SLC25A29: variants seen among roughly 807,000 people sequenced by gnomAD.
SLC25A29 encodes the protein mitochondrial basic amino acids transporter.
A neutral mutation model predicts 10.0 loss-of-function variants in SLC25A29; 13 were observed. The observed-to-expected ratio is 1.30, with a 90% CI of 0.85 to 2.07. The LOEUF (loss-of-function observed/expected upper bound fraction) is 2.07. Among genes scored for constraint, SLC25A29 ranks in the 30% most tolerant of loss-of-function variants. SLC25A29 has a pLI of 0.00. For missense variants in SLC25A29, 475 were observed against 447.6 expected, an observed-to-expected ratio of 1.06 and a Z score of -0.55; for synonymous variants, 244 against 221.1, an observed-to-expected ratio of 1.10 and a Z score of -0.92.
the SLC25A29 span, chr14:100,281,218 T>C: frequency 6.6e-6 from 1 of 152,026 alleles, no homozygotes; most frequent in Non-Finnish European, 1.5e-5. Flanking sequence ...TGTTGATCTT[T>C]AATTATTTAA....
At chr14:100,297,637 G>A (rs898154000) in intron 2 of SLC25A29, among the ~76,000 whole-genome samples, 2 of 152,248 alleles carry the variant, frequency 1.3e-5, no homozygotes, top group Non-Finnish European at 2.9e-5. Flanking sequence ...GGCTGGGGCC[G>A]GGGGCTGTGT....
At chr14:100,300,233 T>A (rs1470365634) in intron 1 of SLC25A29, among the ~76,000 whole-genome samples, 1 of 152,186 alleles carries the variant, frequency 6.6e-6, no homozygotes, top group African/African-American at 2.4e-5. Flanking sequence ...ATCGCGCTAC[T>A]GCACTCCAGC....
chr14:100,291,962 G>A lies in SLC25A29; in HGVS notation c.*321C>T. ...AATGACGTGGCCAGGATCCCAGAAAGGGGCTGGAGTGTCTGCCTCAGTTTC... is the reference window on the plus strand; with the variant it reads ...AATGACGTGGCCAGGATCCCAGAAAAGGGCTGGAGTGTCTGCCTCAGTTTC... On this transcript the variant is annotated 3_prime_UTR_variant, in exon 4 of 4. Coordinates refer to ENST00000359232, the MANE Select transcript of SLC25A29 (RefSeq NM_001039355.3). 1 of 372,596 alleles carries A rather than the reference G, an allele frequency of 2.7e-6. No homozygotes were observed. Among genetic ancestry groups the A allele is most frequent in the Non-Finnish European group, 4.9e-6 (1 of 203,052 alleles). 23.1% of individuals were successfully genotyped at this position (372,596 alleles called of 1,614,324 possible).
chr14:100,285,127 GCTT>G, the SLC25A29 span, among the ~76,000 whole-genome samples: 14 of 152,154 alleles, frequency 9.2e-5, no homozygotes, highest in South Asian at 4.2e-4. Context: ...TGTTTGCATG[GCTT>G]CTTCTTGGCC....
chr14:100,300,561 T>G (rs972976056), intron 1 of SLC25A29, among the ~76,000 whole-genome samples: 1 of 152,100 alleles, frequency 6.6e-6, no homozygotes, highest in African/African-American at 2.4e-5. Flanking sequence ...TTTTGTAATT[T>G]TGGCAGGATG....
At chr14:100,302,266 G>GA (rs1892611345) in intron 1 of SLC25A29, among the ~76,000 whole-genome samples, 1 of 151,108 alleles carries the variant, frequency 6.6e-6, no homozygotes, top group South Asian at 2.1e-4. Flanking sequence ...GGCTGGTCTT[G>GA]AACTCCCGAC....
At chr14:100,293,421 A>G (rs1400822617) in intron 2 of SLC25A29, 44 bp from the exon 3 acceptor site, 4 of 1,582,502 alleles carry the variant, frequency 2.5e-6, no homozygotes, top group African/African-American at 2.7e-5. Context: ...GCAGGACCAG[A>G]GCACCCAGCT....
In SLC25A29 at chr14:100,292,523, G is replaced by C. The variant is rs750039229; in HGVS notation, c.672C>G (p.Gly224=). Residue 224 remains glycine (G), a synonymous_variant, in exon 4 of 4, where the codon GGC becomes GGG. Coordinates refer to ENST00000359232, the MANE Select transcript of SLC25A29 (RefSeq NM_001039355.3). The part of the protein sequence containing the change: ...KSRLQADGLR[G]APRYRGILDC... Reference sequence around the variant, plus strand: ...CCAGGATGCCGCGGTAGCGCGGGGCGCCCCGCAGTCCGTCCGCCTGCAGCC... The same window carrying C: ...CCAGGATGCCGCGGTAGCGCGGGGCCCCCCGCAGTCCGTCCGCCTGCAGCC... 2 of 1,591,098 alleles carry C rather than the reference G, an allele frequency of 1.3e-6. No individual in the cohort carries two copies. Among genetic ancestry groups the C allele is most frequent in the Admixed American group, 1.8e-5 (1 of 56,598 alleles).
rs1350899946 is a variant in SLC25A29, at chr14:100,291,650, C to G, written c.*633G>C. On this transcript the variant is annotated 3_prime_UTR_variant, in exon 4 of 4. Transcript: ENST00000359232. ...CCGCAGGCTGATATGGTGCCTCCAG[C>G]AGACTCCATGGCTTCCCGGAGGGTG... 1 of 156,840 alleles carries G rather than the reference C, an allele frequency of 6.4e-6. No homozygotes were observed. Among genetic ancestry groups the G allele is most frequent in the Non-Finnish European group, 1.4e-5 (1 of 71,136 alleles). The allele number at this position is 156,840 out of a possible 1,614,324, so 9.7% of individuals were successfully genotyped here. A position where few individuals can be genotyped will look rare whatever the true frequency, so the allele number is the denominator to read the frequency against.
downstream of SLC25A29, among the ~76,000 whole-genome samples, chr14:100,289,369 C>T (rs1891611174): frequency 6.6e-6 from 1 of 152,164 alleles, no homozygotes; most frequent in African/African-American, 2.4e-5. Flanking sequence ...CTCCGCTGCT[C>T]CATGCTGGCA....
chr14:100,284,010 T>C, the SLC25A29 span, among the ~76,000 whole-genome samples: 1 of 152,158 alleles, frequency 6.6e-6, no homozygotes, highest in African/African-American at 2.4e-5. Context: ...GCCTCCCGAG[T>C]AGCTACGATT....
chr14:100,291,465 G>C lies in SLC25A29; in HGVS notation c.*818C>G, dbSNP rs1595346569. On this transcript the variant is annotated 3_prime_UTR_variant, in exon 4 of 4. Transcript: ENST00000359232. ...TGGGGGATCCTGGCTGGCGGTGGTAGGTGGGCCGGAGACTCAGTTGTCCGT... is the reference window on the plus strand; with the variant it reads ...TGGGGGATCCTGGCTGGCGGTGGTACGTGGGCCGGAGACTCAGTTGTCCGT... 3 of 152,424 alleles carry C rather than the reference G, an allele frequency of 2.0e-5. No homozygotes were observed. The highest frequency in any genetic ancestry group is 1.3e-4 in the Admixed American group (2 of 15,288). 9.4% of individuals were successfully genotyped at this position (152,424 alleles called of 1,614,324 possible).
rs765586379 is a variant in SLC25A29 at position 100,306,241 on chromosome 14, C to T, written c.-9G>A. 2 of 1,488,070 alleles carry T rather than the reference C, an allele frequency of 1.3e-6. No individual in the cohort carries two copies. Among genetic ancestry groups the T allele is most frequent in the African/African-American group, 2.9e-5 (2 of 68,842 alleles). The allele number at this position is 1,488,070 out of a possible 1,614,324, so 92.2% of individuals were successfully genotyped here. Reference sequence around the variant, plus strand: ...AAGAAGTCCAGCGCCATGGCCGGGTCCCCGGCGAGGCCGCCTTTCCTCCTC... The same window carrying T: ...AAGAAGTCCAGCGCCATGGCCGGGTTCCCGGCGAGGCCGCCTTTCCTCCTC... On this transcript the variant is annotated 5_prime_UTR_variant, in exon 1 of 4. Transcript: ENST00000359232.
intron 1 of SLC25A29, chr14:100,299,794 C>T (rs1892420266): frequency 1.0e-6 from 1 of 985,486 alleles, no homozygotes; most frequent in South Asian, 4.7e-5. Flanking sequence ...ACGTGGACAT[C>T]TGTTCAAGCT....
At chr14:100,288,664 G>A (rs1157002887), downstream of SLC25A29, among the ~76,000 whole-genome samples, 1 of 145,480 alleles carries the variant, frequency 6.9e-6, no homozygotes, top group African/African-American at 2.5e-5. Context: ...TGGTATCTGT[G>A]GCCCCGTCCG....
Position 100,292,940 on chromosome 14 carries a change from C to T in SLC25A29, c.255G>A (p.Arg85=), listed in dbSNP as rs3742379. Residue 85 remains arginine (R), a synonymous_variant, in exon 4 of 4, where the codon CGG becomes CGA. Coordinates refer to ENST00000359232, the MANE Select transcript of SLC25A29 (RefSeq NM_001039355.3). ...TGAGGGGCGAGTCGTGGCCCAGGGC[C>T]CGGAGGGTGTTGCCCTGCACCCCGA... ...LVFGVQGNTL[R]ALGHDSPLNQ... The T allele has an allele frequency of 0.29, 469,865 of 1,604,862 alleles. 71,942 individuals carry two copies. Among genetic ancestry groups the T allele is most frequent in the East Asian group, 0.54 (24,002 of 44,544 alleles).
chr14:100,301,993 C>A (rs1006004053), intron 1 of SLC25A29, among the ~76,000 whole-genome samples: 20 of 152,074 alleles, frequency 1.3e-4, no homozygotes, highest in Non-Finnish European at 2.6e-4. Flanking sequence ...CACAACGATG[C>A]CCTCTCCTTC....
At chr14:100,282,762 T>C in the SLC25A29 span, 3 of 152,336 alleles carry the variant, frequency 2.0e-5, no homozygotes, top group African/African-American at 4.8e-5. Context: ...CTCTATACAA[T>C]ATAATAAATG....
chr14:100,286,479 G>GC (rs978788474), downstream of SLC25A29, among the ~76,000 whole-genome samples: 2 of 149,650 alleles, frequency 1.3e-5, no homozygotes, highest in African/African-American at 2.4e-5. Flanking sequence ...CTGGGGGGGG[G>GC]GGTGTTGCTT....
Sources: allele counts gnomAD v4.1 joint callset (sites outside exome capture counted in the v4.1 genomes callset), GRCh38; gene constraint gnomAD v4.1.1; transcripts MANE v1.5; gene names NCBI Gene and HGNC (gene_info 2026-07-23, HGNC 2026-07-21).